CCDC85C: variants seen among roughly 807,000 people sequenced by gnomAD.
CCDC85C encodes the protein coiled-coil domain-containing protein 85C.
A neutral mutation model predicts 38.3 loss-of-function variants in CCDC85C; 18 were observed. The observed-to-expected ratio is 0.47, with a 90% confidence interval of 0.33 to 0.70. CCDC85C has a LOEUF of 0.70. Among genes scored for constraint, CCDC85C ranks in the 30% least tolerant of loss-of-function variants. The pLI is 0.03. For missense variants in CCDC85C, 566 were observed against 621.2 expected (o/e 0.91, Z 0.94); for synonymous variants, 264 against 293.8 (o/e 0.90, Z 1.04).
Position 99,603,204 on chromosome 14 carries a change from C to G in CCDC85C, c.756G>C (p.Ala252=), listed in dbSNP as rs1481490034. The G allele has an allele frequency of 2.1e-6, 3 of 1,426,868 alleles. No homozygotes were observed. Among genetic ancestry groups the G allele is most frequent in the African/African-American group, 1.5e-5 (1 of 67,310 alleles). 88.4% of individuals were successfully genotyped at this position (1,426,868 alleles called of 1,614,324 possible). Residue 252 remains alanine, a synonymous_variant, in exon 1 of 6, where the codon GCG becomes GCC. Coordinates refer to ENST00000380243, the MANE Select transcript of CCDC85C (RefSeq NM_001144995.2). This position sits in a 1 kb window ranked among gnomAD's most constrained non-coding sequence, Gnocchi z 7.5. ...ATRRSLDDLS[A]PPHHRSIPNG... is the part of the protein sequence containing the mutation. ...TGGGGATGCTGCGGTGGTGCGGCGG[C>G]GCCGACAAGTCGTCCAGGGACCGAC...
rs2055241573 is a variant in CCDC85C at position 99,603,899 on chromosome 14, C to T, written c.61G>A (p.Glu21Lys). 2.0e-6 allele frequency: 3 copies of T among 1,488,822 alleles called. No individual in the cohort carries two copies. Among genetic ancestry groups the T allele is most frequent in the Admixed American group, 4.3e-5 (2 of 46,366 alleles). 92.2% of individuals were successfully genotyped at this position (1,488,822 alleles called of 1,614,324 possible). A position where few individuals can be genotyped will look rare whatever the true frequency, so the allele number is the denominator to read the frequency against. ...TCCTTGCTCCAGCGCAGCAGCTCCTCGTCCGGCACCTGGCTCAGCTCCTCC... is the reference window on the plus strand; with the variant it reads ...TCCTTGCTCCAGCGCAGCAGCTCCTTGTCCGGCACCTGGCTCAGCTCCTCC... ...ASEELSQVPD[E>K]ELLRWSKEEL... Residue 21 changes from glutamate (E) to lysine (K), a missense_variant, in exon 1 of 6, where the codon GAG (glutamate) becomes AAG (lysine). Transcript: ENST00000380243. The surrounding 1 kb of genome is among the most constrained non-coding windows in gnomAD (Gnocchi z 7.5).
intron 1 of CCDC85C, among the ~76,000 whole-genome samples, chr14:99,547,599 C>T (rs886499453): frequency 1.3e-5 from 2 of 152,080 alleles, no homozygotes; most frequent in African/African-American, 2.4e-5. Flanking sequence ...CATGGTGAAA[C>T]TCTGTCTCTA....
intron 1 of CCDC85C, among the ~76,000 whole-genome samples, chr14:99,538,258 G>A (rs765132063): frequency 4.6e-5 from 7 of 152,184 alleles, no homozygotes; most frequent in Non-Finnish European, 1.0e-4. Flanking sequence ...CCAGGCCCAC[G>A]CCACAGGTCA....
chr14:99,584,373 G>A (rs2055005966), intron 1 of CCDC85C, among the ~76,000 whole-genome samples: 1 of 152,158 alleles, frequency 6.6e-6, no homozygotes, highest in African/African-American at 2.4e-5. Flanking sequence ...GTGGTCCAAG[G>A]ACCAGGTGAG....
rs1414346087 is a variant in CCDC85C at position 99,533,543 on chromosome 14, C to A, written c.867+2472G>T. Among the ~76,000 whole-genome samples the A allele has an allele frequency of 1.3e-5, 2 of 152,254 alleles. No homozygotes were observed. Among genetic ancestry groups the A allele is most frequent in the Non-Finnish European group, 1.5e-5 (1 of 68,040 alleles). On this transcript the variant is annotated intron_variant, in intron 2 of 5. Transcript: ENST00000380243. The surrounding 1 kb of genome is among the most constrained non-coding windows in gnomAD (Gnocchi z 4.2). ...AACAGTGGGTTTCTGTCCCTAAATT[C>A]CAGTCCAACTGCCTGCAGCCAGCAA...
chr14:99,502,013 TACTA>T lies in CCDC85C; in HGVS notation c.*13229_*13232del, dbSNP rs1896842103. On this transcript the variant is annotated 3_prime_UTR_variant, in exon 6 of 6. Coordinates refer to ENST00000380243, the MANE Select transcript of CCDC85C (RefSeq NM_001144995.2). ...CTGATTCTTTAAGGAATAGAGAAATTACTAACTATGGTTAAAGTAACTTAGTCGG... is the reference window on the plus strand; with the variant it reads ...CTGATTCTTTAAGGAATAGAGAAATTACTATGGTTAAAGTAACTTAGTCGG... 3 of 524,724 alleles carry T rather than the reference TACTA, an allele frequency of 5.7e-6. No homozygotes were observed. The highest frequency in any genetic ancestry group is 9.3e-6 in the Non-Finnish European group (3 of 323,892). The allele number at this position is 524,724 out of a possible 1,614,324, so 32.5% of individuals were successfully genotyped here.
intron 1 of CCDC85C, among the ~76,000 whole-genome samples, chr14:99,594,218 A>G (rs2139990647): frequency 6.6e-6 from 1 of 152,294 alleles, no homozygotes; most frequent in African/African-American, 2.4e-5. Flanking sequence ...CAGGACAGCA[A>G]GCAGAGGAAC....
In CCDC85C at chr14:99,533,943, T is replaced by C. The variant is rs1460732983; in HGVS notation, c.867+2072A>G. On this transcript the variant is annotated intron_variant, in intron 2 of 5. Coordinates refer to ENST00000380243, the MANE Select transcript of CCDC85C (RefSeq NM_001144995.2). This position sits in a 1 kb window ranked among gnomAD's most constrained non-coding sequence, Gnocchi z 4.2. ...GTCCGTGGTCAGGAACTGGGGTGTA[T>C]TTTTCCAGTGGGACACTGTGGCCTG... is the stretch of plus-strand genomic sequence containing the variant. Among the ~76,000 whole-genome samples, 1 of 152,190 alleles carries C rather than the reference T, an allele frequency of 6.6e-6. No individual in the cohort carries two copies. Among genetic ancestry groups the C allele is most frequent in the Non-Finnish European group, 1.5e-5 (1 of 68,020 alleles).
intron 5 of CCDC85C, among the ~76,000 whole-genome samples, chr14:99,515,586 C>T (rs1041033384): frequency 6.6e-6 from 1 of 152,142 alleles, no homozygotes; most frequent in Non-Finnish European, 1.5e-5. Flanking sequence ...GTCCACAGGC[C>T]CCACTAGGTG....
rs1256352162 is a variant in CCDC85C at position 99,505,277 on chromosome 14, G to A, written c.*9969C>T. 6.6e-6 allele frequency: 1 copy of A among 152,310 alleles called. No homozygotes were observed. The highest frequency in any genetic ancestry group is 1.5e-5 in the Non-Finnish European group (1 of 68,130). The allele number at this position is 152,310 out of a possible 1,614,324, so 9.4% of individuals were successfully genotyped here. Reference sequence around the variant, plus strand: ...CAGCATGCTGGCTGCGGGGCAGGAAGGGCAGATCCGGAGGAAGCTTTATAG... The same window carrying A: ...CAGCATGCTGGCTGCGGGGCAGGAAAGGCAGATCCGGAGGAAGCTTTATAG... On this transcript the variant is annotated 3_prime_UTR_variant, in exon 6 of 6. Transcript: ENST00000380243.
At chr14:99,568,369 G>A (rs1319875053) in intron 1 of CCDC85C, among the ~76,000 whole-genome samples, 2 of 151,474 alleles carry the variant, frequency 1.3e-5, no homozygotes, top group Non-Finnish European at 2.9e-5. Flanking sequence ...AAGGGCTGGA[G>A]TGGTGGGGCC....
intron 1 of CCDC85C, among the ~76,000 whole-genome samples, chr14:99,598,379 G>A (rs1181958035): frequency 1.3e-5 from 2 of 152,244 alleles, no homozygotes; most frequent in African/African-American, 4.8e-5. Context: ...TCACGTGCTG[G>A]TCCTGGGAAC....
At chr14:99,589,501 C>T (rs1425189263) in intron 1 of CCDC85C, among the ~76,000 whole-genome samples, 2 of 152,226 alleles carry the variant, frequency 1.3e-5, no homozygotes, top group African/African-American at 4.8e-5. Context: ...TTAAAGGCTT[C>T]AGGCAGGAGC....
chr14:99,553,566 T>C (rs1467610966), intron 1 of CCDC85C, among the ~76,000 whole-genome samples: 1 of 152,190 alleles, frequency 6.6e-6, no homozygotes, highest in Non-Finnish European at 1.5e-5. Context: ...GGTTTCACCA[T>C]ACTGGCCAGG....
At chr14:99,571,518 G>A (rs951650312) in intron 1 of CCDC85C, among the ~76,000 whole-genome samples, 1 of 152,240 alleles carries the variant, frequency 6.6e-6, no homozygotes, top group South Asian at 2.1e-4. Flanking sequence ...ACAGGCAGCA[G>A]CACTGGGCTA....
At chr14:99,594,273 C>G (rs915297143) in intron 1 of CCDC85C, among the ~76,000 whole-genome samples, 2 of 152,228 alleles carry the variant, frequency 1.3e-5, no homozygotes, top group Non-Finnish European at 2.9e-5. Flanking sequence ...AAACCTGCAC[C>G]AGGAATTGAA....
intron 1 of CCDC85C, among the ~76,000 whole-genome samples, chr14:99,583,807 TA>T (rs34283477): frequency 0.15 from 17,242 of 115,070 alleles, 1,495 homozygotes; most frequent in African/African-American, 0.28. Flanking sequence ...GGCTCTGTCT[TA>T]AAAAAAAAAA....
Position 99,517,130 on chromosome 14 carries a change from GC to G in CCDC85C, c.1028del (p.Ser343ThrfsTer14). On this transcript the variant is annotated frameshift_variant, in exon 4 of 6. Transcript: ENST00000380243. LOFTEE classifies it high-confidence loss of function. ...CAGCCTCGGGCTTCTGTCCTGCAGG[GC>G]TGTAGCCAGCAGAGGGGGGCGAGGG... Reference protein sequence around the residue: ...ELPSPPSAGYSPAGQKPEAVV... With the variant: ...ELPSPPSAGYXPAGQKPEAVV... 6.5e-7 allele frequency: 1 copy of G among 1,550,374 alleles called. No individual in the cohort carries two copies.
Position 99,506,777 on chromosome 14 carries a change from G to C in CCDC85C, c.*8469C>G. 2.5e-6 allele frequency: 1 copy of C among 394,748 alleles called. No individual in the cohort carries two copies. Among genetic ancestry groups the C allele is most frequent in the Non-Finnish European group, 4.8e-6 (1 of 207,910 alleles). 24.5% of individuals were successfully genotyped at this position (394,748 alleles called of 1,614,324 possible). A position where few individuals can be genotyped will look rare whatever the true frequency, so the allele number is the denominator to read the frequency against. ...TACATGCTCATGAAGACGTTGCTCTGCTGGTCTCACATGGTCGGAAGGACT... is the reference window on the plus strand; with the variant it reads ...TACATGCTCATGAAGACGTTGCTCTCCTGGTCTCACATGGTCGGAAGGACT... On this transcript the variant is annotated 3_prime_UTR_variant, in exon 6 of 6. Coordinates refer to ENST00000380243, the MANE Select transcript of CCDC85C (RefSeq NM_001144995.2).
Sources: gnomAD v4.1 joint callset for allele counts (sites outside exome capture counted in the v4.1 genomes callset) on GRCh38, gnomAD v4.1.1 for gene constraint, Gnocchi (gnomAD v3.1) non-coding constraint, MANE v1.5 for transcripts, NCBI Gene and HGNC (gene_info 2026-07-23, HGNC 2026-07-21) for gene names.